CTNNA2: variants seen among roughly 807,000 people sequenced by gnomAD.
CTNNA2 encodes the protein catenin alpha 2, also known as catenin alpha-2.
CTNNA2 carries 42 observed loss-of-function variants against 101.0 expected under a neutral mutation model. The observed-to-expected ratio is 0.42, with a 90% CI of 0.32 to 0.54. The LOEUF (loss-of-function observed/expected upper bound fraction) is 0.54, where lower values mean the gene tolerates loss of function less well. Ranked by LOEUF, CTNNA2 falls within the 20% of genes least tolerant of loss-of-function variation. The pLI, the probability that CTNNA2 is intolerant of heterozygous loss-of-function variation, is 0.14. For missense variants in CTNNA2, 871 were observed against 1,223.1 expected (o/e 0.71, Z 4.29); for synonymous variants, 450 against 456.4 (o/e 0.99, Z 0.18).
chr2:80,144,303 G>A (rs1703194148), intron 7 of CTNNA2, among the ~76,000 whole-genome samples: 1 of 152,100 alleles, frequency 6.6e-6, no homozygotes, highest in Admixed American at 6.6e-5. Flanking sequence ...GATGCACCTG[G>A]TTAAAAGACA....
At chr2:80,094,358 G>T (rs1329636202) in intron 7 of CTNNA2, among the ~76,000 whole-genome samples, 2 of 152,064 alleles carry the variant, frequency 1.3e-5, no homozygotes, top group Non-Finnish European at 2.9e-5. Flanking sequence ...CTGTTCCATT[G>T]GTCTATCTCT....
intron 18 of CTNNA2, among the ~76,000 whole-genome samples, chr2:80,643,195 G>T (rs960659817): frequency 1.3e-5 from 2 of 152,180 alleles, no homozygotes; most frequent in African/African-American, 4.8e-5. Context: ...GATCTTGGTA[G>T]ATTTTGAGGG....
chr2:79,798,286 T>A (rs1675880845), intron 3 of CTNNA2, among the ~76,000 whole-genome samples: 1 of 152,216 alleles, frequency 6.6e-6, no homozygotes, highest in Non-Finnish European at 1.5e-5. Flanking sequence ...ACTCTAGTGC[T>A]TTTTTGTTTG....
intron 9 of CTNNA2, among the ~76,000 whole-genome samples, chr2:80,464,606 G>A (rs1163467964): frequency 1.3e-5 from 2 of 152,072 alleles, no homozygotes; most frequent in Non-Finnish European, 2.9e-5. Flanking sequence ...ATATTAGCTA[G>A]GAAGTTTCAC....
chr2:79,662,732 G>A (rs754767635), intron 2 of CTNNA2, among the ~76,000 whole-genome samples: 2 of 152,128 alleles, frequency 1.3e-5, no homozygotes, highest in Non-Finnish European at 2.9e-5. Context: ...AGTAGGAAAG[G>A]TAAGCCCTAT....
chr2:80,581,606 C>T (rs1250766008), intron 13 of CTNNA2, 100 bp from the exon 14 acceptor site: 1 of 735,798 alleles, frequency 1.4e-6, no homozygotes, highest in South Asian at 1.6e-5. Context: ...ATGCTATAAG[C>T]TCTGTTTGCT....
intron 7 of CTNNA2, among the ~76,000 whole-genome samples, chr2:80,128,482 G>T (rs1702251698): frequency 6.6e-6 from 1 of 152,028 alleles, no homozygotes; most frequent in Non-Finnish European, 1.5e-5. Flanking sequence ...AATAACATCT[G>T]CCCCTCTGCC....
intron 2 of CTNNA2, among the ~76,000 whole-genome samples, chr2:79,311,386 G>A (rs996671624): frequency 2.9e-5 from 4 of 139,162 alleles, no homozygotes; most frequent in Non-Finnish European, 6.1e-5. Flanking sequence ...TCCAGCCTGG[G>A]CGACAGGGCT....
intron 7 of CTNNA2, among the ~76,000 whole-genome samples, chr2:80,083,937 G>A (rs1052861397): frequency 6.6e-6 from 1 of 152,066 alleles, no homozygotes; most frequent in Non-Finnish European, 1.5e-5. Flanking sequence ...ATGCTAGCTC[G>A]GTGGCTTTCC....
chr2:80,644,122 GCCTTGGAGAGAGATAGTAGTGGT>G (rs1673797042), intron 18 of CTNNA2, among the ~76,000 whole-genome samples: 1 of 152,120 alleles, frequency 6.6e-6, no homozygotes, highest in South Asian at 2.1e-4. Context: ...AGATGAGTGG[GCCTTGGAGAGAGATAGTAGTGGT>G]CCTAATCCCT....
At chr2:80,545,761 T>C (rs963119907) in intron 10 of CTNNA2, 146 bp from the exon 11 acceptor site, 2 of 648,314 alleles carry the variant, frequency 3.1e-6, no homozygotes, top group Non-Finnish European at 2.5e-6. Context: ...CTTTATCTTT[T>C]ATGTGTTTGA....
At chr2:79,333,982 G>A (rs1197478478) in intron 3 of CTNNA2, among the ~76,000 whole-genome samples, 3 of 151,994 alleles carry the variant, frequency 2.0e-5, no homozygotes, top group African/African-American at 7.2e-5. Flanking sequence ...ACATACTTAT[G>A]GAGTACTGTG....
At chr2:80,155,459 A>G (rs1434369313) in intron 7 of CTNNA2, among the ~76,000 whole-genome samples, 1 of 152,200 alleles carries the variant, frequency 6.6e-6, no homozygotes, top group African/African-American at 2.4e-5. Flanking sequence ...CCACAAAATC[A>G]TCTACTTCAT....
chr2:80,644,291 C>T (rs1255734678), intron 18 of CTNNA2, among the ~76,000 whole-genome samples: 2 of 152,144 alleles, frequency 1.3e-5, no homozygotes, highest in African/African-American at 4.8e-5. Context: ...TAAAAGGACT[C>T]AATGTCAGGC....
chr2:79,268,422 C>T lies in CTNNA2; in HGVS notation c.-405-44287C>T, dbSNP rs541312387. 3.3e-5 allele frequency among the ~76,000 whole-genome samples: 5 copies of T among 152,216 alleles called. No homozygotes were observed. The South Asian group carries it at 1.0e-3, about 32-fold the overall frequency. The stretch of plus-strand genomic sequence containing the variant: ...TACCTGCATACCTCACCCCATGCAC[C>T]TCTTCATCTGTATTCTTTGTAACAT... On this transcript the variant is annotated intron_variant, in intron 2 of 21. Transcript: ENST00000466387.
At chr2:79,305,294 GTATATATATACA>G (rs1676208850) in intron 2 of CTNNA2, among the ~76,000 whole-genome samples, 2 of 147,866 alleles carry the variant, frequency 1.4e-5, no homozygotes, top group Non-Finnish European at 3.0e-5. Context: ...ACGTGTGTGT[GTATATATATACA>G]TATATATACA....
chr2:79,920,376 T>C (rs1170895638), intron 7 of CTNNA2, among the ~76,000 whole-genome samples: 1 of 152,222 alleles, frequency 6.6e-6, no homozygotes, highest in African/African-American at 2.4e-5. Flanking sequence ...CATCATCTTA[T>C]TGTTTGTGTT....
chr2:79,939,254 G>A (rs551127516), intron 7 of CTNNA2, among the ~76,000 whole-genome samples: 2 of 152,208 alleles, frequency 1.3e-5, no homozygotes, highest in African/African-American at 2.4e-5. Context: ...GACATGGGTA[G>A]CTGAAGTAGC....
intron 3 of CTNNA2, among the ~76,000 whole-genome samples, chr2:79,760,982 A>G (rs910816141): frequency 6.6e-6 from 1 of 152,168 alleles, no homozygotes; most frequent in Non-Finnish European, 1.5e-5. Context: ...GTCAGCCTTT[A>G]TGTGCCACAA....
Sources: allele counts gnomAD v4.1 joint callset (sites outside exome capture counted in the v4.1 genomes callset), GRCh38; gene constraint gnomAD v4.1.1; transcripts MANE v1.5; gene names NCBI Gene and HGNC (gene_info 2026-07-23, HGNC 2026-07-21).